MACROD2: variants seen among roughly 807,000 people sequenced by gnomAD.
MACROD2 encodes the protein ADP-ribose glycohydrolase MACROD2.
Under a neutral mutation model 70.4 loss-of-function variants are expected in MACROD2, and 36 were observed. That is an observed-to-expected ratio of 0.51 (90% CI 0.39 to 0.68). The LOEUF is 0.68. Ranked by LOEUF, MACROD2 falls within the 30% of genes least tolerant of loss-of-function variation. The pLI is 0.00. For synonymous variants in MACROD2, 172 were observed against 178.8 expected (o/e 0.96, Z 0.30); for missense variants, 496 against 538.4 (o/e 0.92, Z 0.78).
intron 3 of MACROD2, among the ~76,000 whole-genome samples, chr20:14,328,288 C>T (rs762806715): frequency 2.0e-5 from 3 of 152,098 alleles, no homozygotes; most frequent in Non-Finnish European, 4.4e-5. Context: ...TGGAAAATTT[C>T]ACTTCATATT....
intron 8 of MACROD2, among the ~76,000 whole-genome samples, chr20:15,698,540 G>A (rs542417700): frequency 2.6e-5 from 4 of 152,302 alleles, no homozygotes; most frequent in African/African-American, 9.6e-5. Context: ...ATAACCTGAT[G>A]ACAATGTGCC....
chr20:15,040,677 G>A (rs1382740405), intron 5 of MACROD2, among the ~76,000 whole-genome samples: 2 of 152,116 alleles, frequency 1.3e-5, no homozygotes, highest in Non-Finnish European at 2.9e-5. Context: ...TTAACATAGT[G>A]TTTTCTCTGA....
chr20:14,296,444 G>A (rs1044712713), intron 3 of MACROD2, among the ~76,000 whole-genome samples: 1 of 151,958 alleles, frequency 6.6e-6, no homozygotes, highest in Non-Finnish European at 1.5e-5. Flanking sequence ...GGTAAATCAT[G>A]TAATGGAACA....
intron 5 of MACROD2, among the ~76,000 whole-genome samples, chr20:15,182,308 G>A (rs1002610936): frequency 2.0e-5 from 3 of 152,146 alleles, no homozygotes; most frequent in Non-Finnish European, 4.4e-5. Flanking sequence ...AAAGCTATTG[G>A]TAAGTTTAAT....
intron 5 of MACROD2, among the ~76,000 whole-genome samples, chr20:14,999,474 G>C (rs1473907184): frequency 1.3e-5 from 2 of 152,088 alleles, no homozygotes; most frequent in South Asian, 2.1e-4. Context: ...GCCAGACTCT[G>C]TGTCTACAAA....
rs569076455 is a variant in MACROD2, at chr20:14,456,960, G to A, written c.272-36519G>A. 3.3e-5 allele frequency among the ~76,000 whole-genome samples: 5 copies of A among 151,732 alleles called. No individual in the cohort carries two copies. In the East Asian group the frequency reaches 5.8e-4, roughly 18 times the overall value. On this transcript the variant is annotated intron_variant, in intron 3 of 17. Coordinates refer to ENST00000684519, the MANE Select transcript of MACROD2 (RefSeq NM_001351661.2). ...TCTTGATCTCCTGACCTCGTGATCC[G>A]CCCGCCTCGGCCTCCTGGTTTCCGT...
intron 4 of MACROD2, among the ~76,000 whole-genome samples, chr20:14,590,605 G>T (rs1045823232): frequency 2.0e-5 from 3 of 152,136 alleles, no homozygotes; most frequent in Non-Finnish European, 4.4e-5. Flanking sequence ...TTTACTTATT[G>T]TGGTCATGTT....
At chr20:15,183,649 C>T (rs2076515699) in intron 5 of MACROD2, among the ~76,000 whole-genome samples, 1 of 152,142 alleles carries the variant, frequency 6.6e-6, no homozygotes, top group Admixed American at 6.5e-5. Flanking sequence ...GTGAAGAGAG[C>T]AGAGAGTAAA....
At chr20:14,257,851 C>CTGTAGCCAGTGTGTAGTCT (rs762178184) in intron 3 of MACROD2, among the ~76,000 whole-genome samples, 11 of 152,154 alleles carry the variant, frequency 7.2e-5, no homozygotes, top group Non-Finnish European at 1.5e-4. Context: ...GCAGCATACA[C>CTGTAGCCAGTGTGTAGTCT]TGTAGCCAGT....
chr20:15,758,412 T>TG (rs1874848327), intron 8 of MACROD2, among the ~76,000 whole-genome samples: 1 of 112,578 alleles, frequency 8.9e-6, no homozygotes, highest in Admixed American at 8.8e-5. Context: ...CTAATTTTTG[T>TG]TTTTTTTAGT....
At chr20:15,596,411 T>A (rs1398264029) in intron 8 of MACROD2, among the ~76,000 whole-genome samples, 2 of 152,176 alleles carry the variant, frequency 1.3e-5, no homozygotes, top group Non-Finnish European at 2.9e-5. Flanking sequence ...CTGGTTAAAG[T>A]CATGGCACTT....
At position 16,000,956 on chromosome 20, in the gene MACROD2, C is replaced by T. The variant is rs549249011; in HGVS notation, c.1153+13798C>T. ...ACATAAAAGGCTTTATTTTAGTAAA[C>T]GAATGGCCACAAACTATTATGTGAT... On this transcript the variant is annotated intron_variant, in intron 15 of 17. Coordinates refer to ENST00000684519, the MANE Select transcript of MACROD2 (RefSeq NM_001351661.2). Among the ~76,000 whole-genome samples, 61 of 152,248 alleles carry T rather than the reference C, an allele frequency of 4.0e-4. 1 individual carries two copies. The highest frequency in any genetic ancestry group is 1.2e-3 in the African/African-American group (48 of 41,550).
chr20:15,008,188 A>G (rs531505220), intron 5 of MACROD2, among the ~76,000 whole-genome samples: 1 of 152,290 alleles, frequency 6.6e-6, no homozygotes, highest in East Asian at 1.9e-4. Flanking sequence ...ATCTTATAGA[A>G]TTATTAAAAT....
intron 8 of MACROD2, among the ~76,000 whole-genome samples, chr20:15,518,351 A>G (rs2047599119): frequency 2.0e-5 from 3 of 152,246 alleles, no homozygotes; most frequent in South Asian, 2.1e-4. Context: ...TAGCTTGTGA[A>G]TGATTTATTT....
intron 3 of MACROD2, among the ~76,000 whole-genome samples, chr20:14,413,249 T>C (rs914965164): frequency 2.7e-5 from 4 of 149,708 alleles, no homozygotes; most frequent in Admixed American, 1.3e-4. Flanking sequence ...ATTATGCACA[T>C]AAATATAAAA....
At chr20:14,548,717 C>CAAA (rs769527111) in intron 4 of MACROD2, among the ~76,000 whole-genome samples, 5 of 89,240 alleles carry the variant, frequency 5.6e-5, no homozygotes, top group African/African-American at 2.6e-4. Context: ...GACTCCGTCT[C>CAAA]AAAAAAAAAA....
chr20:15,933,240 T>G (rs1363749040), intron 10 of MACROD2, 36 bp from the exon 11 acceptor site: 2 of 1,601,896 alleles, frequency 1.2e-6, no homozygotes, highest in South Asian at 2.2e-5. Flanking sequence ...CAAATTGACT[T>G]GATGCATTTT....
intron 4 of MACROD2, among the ~76,000 whole-genome samples, chr20:14,519,983 T>C (rs1012135839): frequency 6.6e-6 from 1 of 152,104 alleles, no homozygotes; most frequent in Non-Finnish European, 1.5e-5. Context: ...GAATACCACA[T>C]GTTTTCACCT....
chr20:14,943,478 AAGTCTAATT>A (rs2074406836), intron 5 of MACROD2, among the ~76,000 whole-genome samples: 1 of 151,910 alleles, frequency 6.6e-6, no homozygotes, highest in Non-Finnish European at 1.5e-5. Flanking sequence ...AAAGTTTATT[AAGTCTAATT>A]AATTGTCTCA....
Sources: allele counts gnomAD v4.1 joint callset (sites outside exome capture counted in the v4.1 genomes callset), GRCh38; gene constraint gnomAD v4.1.1; transcripts MANE v1.5; gene names NCBI Gene and HGNC (gene_info 2026-07-23, HGNC 2026-07-21).